Variants in ZC3H11A observed in about 807,000 individuals in gnomAD.
The protein encoded by ZC3H11A is zinc finger CCCH domain-containing protein 11A.
Under a neutral mutation model 90.8 loss-of-function variants are expected in ZC3H11A, and 22 were observed. That is an observed-to-expected ratio of 0.24 (90% CI 0.17 to 0.35). The LOEUF (loss-of-function observed/expected upper bound fraction) is 0.35. ZC3H11A is among the 10% of genes least tolerant of loss of function. The pLI, the probability that ZC3H11A is intolerant of heterozygous loss-of-function variation, is 1.00. For synonymous variants in ZC3H11A, 294 were observed against 339.8 expected (o/e 0.87, Z 1.48); for missense variants, 701 against 964.9 (o/e 0.73, Z 3.62).
At position 203,851,256 on chromosome 1, in the gene ZC3H11A, A is replaced by C; in HGVS notation, c.2174+132A>C. 3.7e-6 allele frequency: 3 copies of C among 805,720 alleles called. No homozygotes were observed. The Admixed American group carries it at 8.6e-5, about 23-fold the overall frequency. The allele number at this position is 805,720 out of a possible 1,614,324, so 49.9% of individuals were successfully genotyped here. ...GTTGCACTTCAAATTAATTGCAAGAAAGTATGAAAATCTAGGGTTGCTGTT... is the reference window on the plus strand; with the variant it reads ...GTTGCACTTCAAATTAATTGCAAGACAGTATGAAAATCTAGGGTTGCTGTT... On this transcript the variant is annotated intron_variant, in intron 17 of 17. Coordinates refer to ENST00000367210, the MANE Select transcript of ZC3H11A (RefSeq NM_001376342.1).
intron 12 of ZC3H11A, among the ~76,000 whole-genome samples, chr1:203,845,791 G>C (rs1177447135): frequency 6.6e-6 from 1 of 152,140 alleles, no homozygotes; most frequent in Non-Finnish European, 1.5e-5. Flanking sequence ...TTGAACCCAG[G>C]AGATGTAGGT....
At chr1:203,822,496 G>A (rs1679112406) in intron 4 of ZC3H11A, among the ~76,000 whole-genome samples, 1 of 151,908 alleles carries the variant, frequency 6.6e-6, no homozygotes, top group African/African-American at 2.4e-5. Context: ...TGTGCTGAGC[G>A]GCCCTCACAT....
rs1689040468 is a variant in ZC3H11A at position 203,850,692 on chromosome 1, T to C, written c.2106+11T>C. ...AAAAAGGCAGCTGTGGTAAGAAGTA[T>C]ATTCACTTTGTGGTGCTTTATTCTG... is the stretch of plus-strand genomic sequence containing the variant. On this transcript the variant is annotated intron_variant, in intron 16 of 17. Transcript: ENST00000367210. 2 of 1,612,132 alleles carry C rather than the reference T, an allele frequency of 1.2e-6. No homozygotes were observed. The highest frequency in any genetic ancestry group is 1.3e-5 in the African/African-American group (1 of 74,878).
chr1:203,851,673 T>C (rs974854858), intron 17 of ZC3H11A, among the ~76,000 whole-genome samples: 12 of 151,850 alleles, frequency 7.9e-5, no homozygotes, highest in African/African-American at 2.7e-4. Flanking sequence ...ATAAAAATGC[T>C]TGGTGCTGGC....
intron 4 of ZC3H11A, among the ~76,000 whole-genome samples, chr1:203,827,003 T>A (rs1412349017): frequency 2.0e-5 from 3 of 152,182 alleles, no homozygotes; most frequent in Non-Finnish European, 4.4e-5. Flanking sequence ...GCATCCCAAC[T>A]ACTCTACCAT....
At chr1:203,838,782 C>G (rs1426146705) in intron 11 of ZC3H11A, among the ~76,000 whole-genome samples, 3 of 151,946 alleles carry the variant, frequency 2.0e-5, no homozygotes, top group Non-Finnish European at 4.4e-5. Context: ...AAAACCCCAT[C>G]TTTACTAAAA....
At chr1:203,806,177 A>C (rs1437349536) in intron 2 of ZC3H11A, 2 of 486,686 alleles carry the variant, frequency 4.1e-6, no homozygotes, top group African/African-American at 4.0e-5. Flanking sequence ...TTGTCAGTGG[A>C]TTCTGCCCTG....
At chr1:203,842,106 A>C (rs1376689835) in intron 12 of ZC3H11A, among the ~76,000 whole-genome samples, 1 of 144,804 alleles carries the variant, frequency 6.9e-6, no homozygotes, top group Non-Finnish European at 1.5e-5. Flanking sequence ...GGCGCTCCTC[A>C]CTTCCCAGAC....
At chr1:203,839,397 G>T (rs1265740038) in intron 11 of ZC3H11A, among the ~76,000 whole-genome samples, 1 of 152,166 alleles carries the variant, frequency 6.6e-6, no homozygotes, top group Non-Finnish European at 1.5e-5. Context: ...TTAGATTTAT[G>T]TTTTTTCTGC....
intron 2 of ZC3H11A, chr1:203,806,095 T>A: frequency 2.0e-6 from 1 of 501,174 alleles, no homozygotes; most frequent in Non-Finnish European, 3.9e-6. Flanking sequence ...CGTAATCATA[T>A]TCTTTGTAGG....
intron 2 of ZC3H11A, among the ~76,000 whole-genome samples, chr1:203,809,236 C>G (rs1314635639): frequency 8.1e-6 from 1 of 122,880 alleles, no homozygotes; most frequent in African/African-American, 3.1e-5. Flanking sequence ...AGTGCAGTGG[C>G]ATGATCTTGG....
chr1:203,836,638 T>G (rs1371092011), intron 10 of ZC3H11A, among the ~76,000 whole-genome samples: 6 of 152,148 alleles, frequency 3.9e-5, no homozygotes, highest in Non-Finnish European at 5.9e-5. Flanking sequence ...CAGCCAGGCA[T>G]GGTGGCATGC....
At chr1:203,823,001 C>T (rs551760391) in intron 4 of ZC3H11A, among the ~76,000 whole-genome samples, 1 of 152,286 alleles carries the variant, frequency 6.6e-6, no homozygotes, top group East Asian at 1.9e-4. Flanking sequence ...TCTAAGCTAC[C>T]TATCTTGCAA....
chr1:203,797,933 C>T (rs1669174782), intron 1 of ZC3H11A: 14 of 1,535,846 alleles, frequency 9.1e-6, no homozygotes, highest in Non-Finnish European at 1.2e-5. Flanking sequence ...TTGTGTGGCA[C>T]TTCTTTCATG....
intron 10 of ZC3H11A, among the ~76,000 whole-genome samples, chr1:203,834,549 G>A (rs1683591234): frequency 6.6e-6 from 1 of 152,196 alleles, no homozygotes; most frequent in South Asian, 2.1e-4. Context: ...TGCAATTACA[G>A]GCATGAGATA....
intron 2 of ZC3H11A, among the ~76,000 whole-genome samples, chr1:203,804,848 T>C (rs1486263301): frequency 6.6e-6 from 1 of 151,808 alleles, no homozygotes; most frequent in Non-Finnish European, 1.5e-5. Flanking sequence ...GATTTTTGTA[T>C]TTTTAGTAGA....
intron 2 of ZC3H11A, chr1:203,805,613 C>A (rs1039096534): frequency 1.5e-6 from 1 of 663,854 alleles, no homozygotes; most frequent in Non-Finnish European, 2.9e-6. Context: ...TACTTAAATG[C>A]AAATGTATGA....
Position 203,828,287 on chromosome 1 carries a change from T to C in ZC3H11A, c.175-12T>C. The stretch of plus-strand genomic sequence containing the variant: ...GTTTTATTTGAAAGCAATGTGTTTT[T>C]CCCTCTTACAGAAAAAACGCAGTGA... On this transcript the variant is annotated splice_polypyrimidine_tract_variant and intron_variant, in intron 4 of 17. Transcript: ENST00000367210. 6.2e-7 allele frequency: 1 copy of C among 1,614,002 alleles called. No individual in the cohort carries two copies. Among genetic ancestry groups the C allele is most frequent in the African/African-American group, 1.3e-5 (1 of 75,046 alleles).
Position 203,838,069 on chromosome 1 carries a change from C to T in ZC3H11A, c.973+5C>T. On this transcript the variant is annotated splice_donor_5th_base_variant and intron_variant, in intron 11 of 17. Transcript: ENST00000367210. ...TTGACAAAACACCAAAGAAAGGTAC[C>T]TGTGTTCTTACATACTTTGTGTGTG... 6.2e-7 allele frequency: 1 copy of T among 1,613,694 alleles called. No individual in the cohort carries two copies. Among genetic ancestry groups the T allele is most frequent in the Non-Finnish European group, 8.5e-7 (1 of 1,179,684 alleles).
Sources: allele counts gnomAD v4.1 joint callset (sites outside exome capture counted in the v4.1 genomes callset), GRCh38; gene constraint gnomAD v4.1.1; transcripts MANE v1.5; gene names NCBI Gene and HGNC (gene_info 2026-07-23, HGNC 2026-07-21).